TULP4: variants seen among roughly 807,000 people sequenced by gnomAD.
TULP4 encodes tubby-related protein 4.
Under a neutral mutation model 129.0 loss-of-function variants are expected in TULP4, and 16 were observed. The observed-to-expected ratio is 0.12, with a 90% CI of 0.08 to 0.19. The LOEUF is 0.19. Among genes scored for constraint, TULP4 ranks in the 10% least tolerant of loss-of-function variants. TULP4 has a pLI of 1.00. For synonymous variants in TULP4, 998 were observed against 854.0 expected (o/e 1.17, Z -2.94); for missense variants, 1,842 against 2,059.1 (o/e 0.89, Z 2.04).
chr6:158,501,641 T>C (rs1158389304), intron 12 of TULP4, 37 bp from the exon 13 acceptor site: 1 of 1,582,836 alleles, frequency 6.3e-7, no homozygotes, highest in African/African-American at 1.3e-5. Flanking sequence ...AATGGCAGTG[T>C]TTTTGTAAGC....
chr6:158,348,360 T>C (rs1203241571), intron 1 of TULP4, among the ~76,000 whole-genome samples: 2 of 151,860 alleles, frequency 1.3e-5, no homozygotes, highest in Admixed American at 1.3e-4. Flanking sequence ...TACTTGAGAT[T>C]AGGGAGTGGT....
At chr6:158,393,241 C>T (rs1234052338) in intron 1 of TULP4, among the ~76,000 whole-genome samples, 1 of 152,146 alleles carries the variant, frequency 6.6e-6, no homozygotes, top group African/African-American at 2.4e-5. Flanking sequence ...GCAGGTCTGC[C>T]CCTGTGGCTC....
At chr6:158,363,885 T>C (rs1448249430) in intron 1 of TULP4, among the ~76,000 whole-genome samples, 1 of 152,178 alleles carries the variant, frequency 6.6e-6, no homozygotes, top group South Asian at 2.1e-4. Context: ...TAATGTCATA[T>C]GAAAAGAAAA....
At chr6:158,249,424 A>G (rs1778096162) in intron 1 of TULP4, among the ~76,000 whole-genome samples, 1 of 152,156 alleles carries the variant, frequency 6.6e-6, no homozygotes, top group South Asian at 2.1e-4. Context: ...TAATACTGGG[A>G]CAGAAGTGAG....
At position 158,501,923 on chromosome 6, in the gene TULP4, G is replaced by A; in HGVS notation, c.2260G>A (p.Gly754Arg). The change falls in exon 13 of 14, where the codon GGA becomes AGA. Residue 754 changes from glycine (G) to arginine (R), a missense_variant. Physicochemically the swap from Gly to Arg is moderately radical, Grantham distance 125. Around this residue, in one of 5 missense-constraint regions of TULP4, gnomAD observed 1,089 missense variants for 987.1 expected, o/e 1.10. Coordinates refer to ENST00000367097, the MANE Select transcript of TULP4 (RefSeq NM_020245.5). ...AGTCTCCAACCGGTACTCCAATCCT[G>A]GACAGGTGATTTTCGGAAGCGTGGA... is the stretch of plus-strand genomic sequence containing the variant. ...YPVSNRYSNP[G>R]QVIFGSVEMG... 1 of 1,614,074 alleles carries A rather than the reference G, an allele frequency of 6.2e-7. No individual in the cohort carries two copies. Among genetic ancestry groups the A allele is most frequent in the Non-Finnish European group, 8.5e-7 (1 of 1,180,008 alleles).
intron 1 of TULP4, among the ~76,000 whole-genome samples, chr6:158,244,872 TAAAA>T (rs976036624): frequency 6.6e-6 from 1 of 152,054 alleles, no homozygotes; most frequent in Non-Finnish European, 1.5e-5. Context: ...ACTAAAAACA[TAAAA>T]GAAACAAAAT....
chr6:158,287,048 G>A (rs2128468961), intron 1 of TULP4, among the ~76,000 whole-genome samples: 1 of 152,308 alleles, frequency 6.6e-6, no homozygotes, highest in East Asian at 1.9e-4. Context: ...AGTGATGAAG[G>A]CATTATTTCT....
chr6:158,436,152 C>T (rs1200957232), intron 3 of TULP4, among the ~76,000 whole-genome samples: 1 of 152,186 alleles, frequency 6.6e-6, no homozygotes, highest in African/African-American at 2.4e-5. Flanking sequence ...AGTGATCTGC[C>T]TGCCTCAGCC....
chr6:158,350,582 A>G (rs1003413090), intron 1 of TULP4, among the ~76,000 whole-genome samples: 4 of 152,020 alleles, frequency 2.6e-5, no homozygotes, highest in African/African-American at 9.7e-5. Flanking sequence ...AAAACCAGTC[A>G]GGAATGGTGG....
intron 13 of TULP4, among the ~76,000 whole-genome samples, chr6:158,505,175 C>T (rs1780572839): frequency 6.6e-6 from 1 of 152,216 alleles, no homozygotes; most frequent in Non-Finnish European, 1.5e-5. Flanking sequence ...CTAGTTCTTC[C>T]CTGCTCCAGC....
At chr6:158,272,184 A>G (rs981455343) in intron 1 of TULP4, among the ~76,000 whole-genome samples, 2 of 152,166 alleles carry the variant, frequency 1.3e-5, no homozygotes, top group African/African-American at 4.8e-5. Flanking sequence ...GCCAAGGACC[A>G]TGTGATGTGG....
At chr6:158,345,536 A>G (rs572243767) in intron 1 of TULP4, among the ~76,000 whole-genome samples, 1 of 152,354 alleles carries the variant, frequency 6.6e-6, no homozygotes, top group African/African-American at 2.4e-5. Flanking sequence ...TAGGACCGTG[A>G]TGCCCACCTG....
intron 1 of TULP4, among the ~76,000 whole-genome samples, chr6:158,366,097 G>A (rs1780953130): frequency 6.6e-6 from 1 of 150,948 alleles, no homozygotes; most frequent in African/African-American, 2.4e-5. Context: ...TAGAAACGGG[G>A]TTTCACCATG....
At chr6:158,303,455 A>G (rs1779162402) in intron 1 of TULP4, among the ~76,000 whole-genome samples, 1 of 152,194 alleles carries the variant, frequency 6.6e-6, no homozygotes, top group African/African-American at 2.4e-5. Context: ...TACAAAGATC[A>G]CATGCTTCAA....
intron 1 of TULP4, among the ~76,000 whole-genome samples, chr6:158,248,926 C>T (rs1006785375): frequency 2.6e-5 from 4 of 151,814 alleles, no homozygotes; most frequent in African/African-American, 9.7e-5. Flanking sequence ...TGGAGACCAG[C>T]CTGGGCAACA....
chr6:158,341,681 T>C (rs1054658180), intron 1 of TULP4, among the ~76,000 whole-genome samples: 4 of 152,220 alleles, frequency 2.6e-5, no homozygotes, highest in African/African-American at 9.6e-5. Flanking sequence ...CATTTTTTTT[T>C]CATATACCTG....
chr6:158,289,932 A>G (rs1190909022), intron 1 of TULP4, among the ~76,000 whole-genome samples: 2 of 152,064 alleles, frequency 1.3e-5, no homozygotes, highest in Admixed American at 6.5e-5. Context: ...CACCTTTGCT[A>G]TAGCCAAGAA....
intron 1 of TULP4, among the ~76,000 whole-genome samples, chr6:158,380,395 A>T (rs948568756): frequency 1.3e-5 from 2 of 152,210 alleles, no homozygotes; most frequent in Non-Finnish European, 2.9e-5. Flanking sequence ...TCAGTAGCTC[A>T]GTTGGTTCTC....
chr6:158,323,637 T>C (rs764218718), intron 1 of TULP4, among the ~76,000 whole-genome samples: 2 of 152,126 alleles, frequency 1.3e-5, no homozygotes, highest in Non-Finnish European at 2.9e-5. Flanking sequence ...GAGGGCATAG[T>C]TGGTGGAGAA....
Sources: allele counts gnomAD v4.1 joint callset (sites outside exome capture counted in the v4.1 genomes callset), GRCh38; gene constraint gnomAD v4.1.1; regional missense constraint gnomAD v4.1.1; transcripts MANE v1.5; gene names NCBI Gene and HGNC (gene_info 2026-07-23, HGNC 2026-07-21).